Variants in GRIA1 observed in about 807,000 individuals in gnomAD.
GRIA1 encodes the protein glutamate ionotropic receptor AMPA type subunit 1, also known as glutamate receptor 1.
In GRIA1, 31 loss-of-function variants were observed where a neutral mutation model predicts 99.2. That is an observed-to-expected ratio of 0.31 (90% CI 0.23 to 0.42). GRIA1 has a LOEUF of 0.42. Among genes scored for constraint, GRIA1 ranks in the 10% least tolerant of loss-of-function variants. The pLI, the probability that GRIA1 is intolerant of heterozygous loss-of-function variation, is 1.00. For synonymous variants in GRIA1, 438 were observed against 432.4 expected (o/e 1.01, Z -0.16); for missense variants, 782 against 1,157.5 (o/e 0.68, Z 4.71).
chr5:153,619,702 AAG>A (rs370839254), intron 2 of GRIA1, among the ~76,000 whole-genome samples: 2 of 151,626 alleles, frequency 1.3e-5, no homozygotes, highest in Non-Finnish European at 1.5e-5. Context: ...TTTTAAAAAA[AAG>A]AGAGAGAGAG....
At chr5:153,579,785 T>A (rs117817417) in intron 2 of GRIA1, among the ~76,000 whole-genome samples, 1 of 151,978 alleles carries the variant, frequency 6.6e-6, no homozygotes, top group Non-Finnish European at 1.5e-5. Context: ...CTGTGAGTGA[T>A]AGAGGAGTTG....
chr5:153,566,701 A>G (rs1269213767), intron 2 of GRIA1, among the ~76,000 whole-genome samples: 1 of 140,868 alleles, frequency 7.1e-6, no homozygotes, highest in Admixed American at 7.6e-5. Flanking sequence ...TCAGATATAC[A>G]TTTGCAAATA....
At chr5:153,570,932 G>A (rs1357334483) in intron 2 of GRIA1, among the ~76,000 whole-genome samples, 1 of 152,116 alleles carries the variant, frequency 6.6e-6, no homozygotes, top group East Asian at 1.9e-4. Flanking sequence ...GCCTGAATGA[G>A]TAATTCCTTC....
At chr5:153,741,016 G>A (rs7713771) in intron 11 of GRIA1, among the ~76,000 whole-genome samples, 1,334 of 116,522 alleles carry the variant, frequency 0.011, 11 homozygotes, top group African/African-American at 0.042. Flanking sequence ...TCACTCTGTC[G>A]CCCAGGCTGG....
intron 15 of GRIA1, among the ~76,000 whole-genome samples, chr5:153,806,389 C>T (rs1766429529): frequency 6.6e-6 from 1 of 152,158 alleles, no homozygotes; most frequent in African/African-American, 2.4e-5. Context: ...CCTCAGCCTC[C>T]CGAGTAGCTG....
chr5:153,531,073 G>C (rs1324361831), intron 2 of GRIA1, among the ~76,000 whole-genome samples: 1 of 152,224 alleles, frequency 6.6e-6, no homozygotes, highest in Admixed American at 6.5e-5. Flanking sequence ...TTGAAGAAGA[G>C]ATACATGAGC....
intron 2 of GRIA1, among the ~76,000 whole-genome samples, chr5:153,552,797 G>A (rs969637983): frequency 6.6e-6 from 1 of 152,152 alleles, no homozygotes; most frequent in African/African-American, 2.4e-5. Flanking sequence ...ATCATATTTT[G>A]CATAGCAAAG....
chr5:153,642,618 G>A (rs1476348709), intron 2 of GRIA1, among the ~76,000 whole-genome samples: 2 of 147,772 alleles, frequency 1.4e-5, no homozygotes, highest in Non-Finnish European at 3.0e-5. Context: ...CCCAGGTGAC[G>A]GAGCCAGACC....
chr5:153,492,685 T>G (rs1483574698), intron 1 of GRIA1, among the ~76,000 whole-genome samples: 2 of 152,196 alleles, frequency 1.3e-5, no homozygotes, highest in Non-Finnish European at 2.9e-5. Context: ...ATGAGGATGT[T>G]TCATGTATGT....
chr5:153,584,523 G>A (rs772277313), intron 2 of GRIA1, among the ~76,000 whole-genome samples: 3 of 152,150 alleles, frequency 2.0e-5, no homozygotes, highest in Non-Finnish European at 4.4e-5. Context: ...TAAAGTCACA[G>A]ATCTCAAAGT....
intron 2 of GRIA1, among the ~76,000 whole-genome samples, chr5:153,598,906 G>C (rs1441420999): frequency 6.6e-6 from 1 of 152,144 alleles, no homozygotes; most frequent in African/African-American, 2.4e-5. Context: ...ATTTGAGACA[G>C]AATCTCTCTG....
chr5:153,558,346 A>C (rs1251269798), intron 2 of GRIA1, among the ~76,000 whole-genome samples: 1 of 152,200 alleles, frequency 6.6e-6, no homozygotes, highest in African/African-American at 2.4e-5. Flanking sequence ...TATATAAAAT[A>C]TTTTAATTAT....
At position 153,725,417 on chromosome 5, in the gene GRIA1, T is replaced by C. The variant is rs1760443875; in HGVS notation, c.1823+19350T>C. On this transcript the variant is annotated intron_variant, in intron 11 of 15. Transcript: ENST00000285900. ...TAAGAATATTAACTTTAAATGTAAA[T>C]GGACTAAATGCTCCAATTAAAAGAC... Among the ~76,000 whole-genome samples the C allele has an allele frequency of 2.1e-5, 3 of 146,088 alleles. No homozygotes were observed. The Admixed American group carries it at 2.1e-4, about 10-fold the overall frequency.
intron 2 of GRIA1, among the ~76,000 whole-genome samples, chr5:153,620,304 T>C (rs1413256958): frequency 1.3e-5 from 2 of 152,122 alleles, no homozygotes; most frequent in Middle Eastern, 3.2e-3. Context: ...TTTTTCCTAT[T>C]TTTGCACCCA....
chr5:153,793,732 A>T (rs1209734247), intron 13 of GRIA1, among the ~76,000 whole-genome samples: 1 of 152,200 alleles, frequency 6.6e-6, no homozygotes, highest in African/African-American at 2.4e-5. Context: ...GATATGTTAT[A>T]TGTACATGTT....
chr5:153,608,535 T>C (rs1448513134), intron 2 of GRIA1, among the ~76,000 whole-genome samples: 1 of 152,238 alleles, frequency 6.6e-6, no homozygotes, highest in Non-Finnish European at 1.5e-5. Flanking sequence ...ATTGTTCCTG[T>C]CTATTGAATT....
chr5:153,811,262 G>C lies in GRIA1; in HGVS notation c.*37G>C. 1 of 1,520,822 alleles carries C rather than the reference G, an allele frequency of 6.6e-7. No individual in the cohort carries two copies. The highest frequency in any genetic ancestry group is 9.1e-7 in the Non-Finnish European group (1 of 1,096,294). The allele number at this position is 1,520,822 out of a possible 1,614,324, so 94.2% of individuals were successfully genotyped here. On this transcript the variant is annotated 3_prime_UTR_variant, in exon 16 of 16. Coordinates refer to ENST00000285900, the MANE Select transcript of GRIA1 (RefSeq NM_000827.4). ...GGAGACCCCTTGGGGAGCAGGCTCG[G>C]GCTCCCCAGCCCCATCCCAAACCCT...
At chr5:153,760,483 TTC>T (rs1416959240) in intron 11 of GRIA1, among the ~76,000 whole-genome samples, 1 of 151,918 alleles carries the variant, frequency 6.6e-6, no homozygotes, top group African/African-American at 2.4e-5. Flanking sequence ...GATAAAATAT[TTC>T]TGTGGTAAAA....
chr5:153,602,197 G>A (rs1235487136), intron 2 of GRIA1, among the ~76,000 whole-genome samples: 1 of 152,154 alleles, frequency 6.6e-6, no homozygotes, highest in Non-Finnish European at 1.5e-5. Flanking sequence ...ATACTATGCA[G>A]CCTTAAAAAA....
Sources: allele counts gnomAD v4.1 joint callset (sites outside exome capture counted in the v4.1 genomes callset), GRCh38; gene constraint gnomAD v4.1.1; transcripts MANE v1.5; gene names NCBI Gene and HGNC (gene_info 2026-07-23, HGNC 2026-07-21).